The following PLEK variants were observed in gnomAD, a reference collection of about 807,000 sequenced individuals.
PLEK encodes platelet 47 kDa protein.
PLEK carries 25 observed loss-of-function variants against 43.9 expected under a neutral mutation model. The ratio of observed to expected loss-of-function variants is 0.57; its 90% CI spans 0.41 to 0.79. The LOEUF (loss-of-function observed/expected upper bound fraction) is 0.79, where lower values mean the gene tolerates loss of function less well. PLEK is among the 30% of genes least tolerant of loss of function. PLEK has a pLI of 0.00. For missense variants in PLEK, 396 were observed against 413.3 expected (o/e 0.96, Z 0.36); for synonymous variants, 152 against 144.4 (o/e 1.05, Z -0.38).
intron 4 of PLEK, 66 bp from the exon 5 acceptor site, chr2:68,386,436 G>A: frequency 7.7e-7 from 1 of 1,292,998 alleles, no homozygotes; most frequent in Non-Finnish European, 1.1e-6. Context: ...GTCAGTTCAG[G>A]GGTGATTGTC....
Position 68,369,451 on chromosome 2 carries a change from G to A in PLEK, c.42+4058G>A, listed in dbSNP as rs188235331. The stretch of plus-strand genomic sequence containing the variant: ...ACCCAGGGGAACATTATGCCAGAGC[G>A]ACTCCACAGTGTTGCCTACAAAACC... On this transcript the variant is annotated intron_variant, in intron 1 of 8. Coordinates refer to ENST00000234313, the MANE Select transcript of PLEK (RefSeq NM_002664.3). 6.6e-5 allele frequency among the ~76,000 whole-genome samples: 10 copies of A among 150,800 alleles called. No individual in the cohort carries two copies. The East Asian group carries it at 9.7e-4, about 15-fold the overall frequency.
Position 68,380,393 on chromosome 2 carries a change from TAAG to T in PLEK, c.114_116del (p.Lys39del). 1.2e-6 allele frequency: 2 copies of T among 1,613,540 alleles called. No individual in the cohort carries two copies. Among genetic ancestry groups the T allele is most frequent in the South Asian group, 1.1e-5 (1 of 91,074 alleles). ...TGTTAGAAGATGGAATTGAATTCTATAAGAAGAAAAGTGACAACAGCCCCAAAG... is the reference window on the plus strand; with the variant it reads ...TGTTAGAAGATGGAATTGAATTCTATAAGAAAAGTGACAACAGCCCCAAAG... On this transcript the variant is annotated inframe_deletion, in exon 2 of 9. Coordinates refer to ENST00000234313, the MANE Select transcript of PLEK (RefSeq NM_002664.3).
intron 4 of PLEK, 47 bp from the exon 5 acceptor site, chr2:68,386,455 G>A (rs772840081): frequency 1.3e-6 from 2 of 1,503,092 alleles, no homozygotes; most frequent in Middle Eastern, 2.2e-4. Context: ...TCAGGGGCTT[G>A]TTCTTCGGTA....
chr2:68,371,242 T>G (rs914771696), intron 1 of PLEK, among the ~76,000 whole-genome samples: 1 of 152,322 alleles, frequency 6.6e-6, no homozygotes, highest in Middle Eastern at 3.4e-3. Context: ...TTTTCTCCCT[T>G]AAGTTATGCA....
chr2:68,381,660 G>T (rs765775463), intron 3 of PLEK, among the ~76,000 whole-genome samples: 3 of 152,204 alleles, frequency 2.0e-5, no homozygotes, highest in Non-Finnish European at 2.9e-5. Flanking sequence ...GGAGGGTGGG[G>T]TGGGGAGAAG....
intron 3 of PLEK, 40 bp from the exon 4 acceptor site, chr2:68,382,502 T>TG (rs763811549): frequency 1.2e-5 from 15 of 1,216,000 alleles, no homozygotes; most frequent in Admixed American, 2.2e-5. Flanking sequence ...CTGGGTTTTT[T>TG]TTTGTTTGTT....
chr2:68,394,276 G>T, intron 8 of PLEK, 100 bp downstream of exon 8: 2 of 802,864 alleles, frequency 2.5e-6, no homozygotes, highest in Non-Finnish European at 4.5e-6. Flanking sequence ...AATTAATCAG[G>T]ATAAGCAGGA....
At chr2:68,388,727 A>T (rs1673799118) in intron 6 of PLEK, among the ~76,000 whole-genome samples, 1 of 127,468 alleles carries the variant, frequency 7.8e-6, no homozygotes, top group African/African-American at 3.1e-5. Flanking sequence ...TTTTATCAAT[A>T]TCATAGGAAA....
At chr2:68,372,784 G>A in intron 1 of PLEK, among the ~76,000 whole-genome samples, 1 of 152,112 alleles carries the variant, frequency 6.6e-6, no homozygotes, top group South Asian at 2.1e-4. Context: ...GAAATAGCTA[G>A]CTAAGTGGTC....
chr2:68,395,976 G>A lies in PLEK; in HGVS notation c.*160G>A, dbSNP rs979512445. 1 of 651,034 alleles carries A rather than the reference G, an allele frequency of 1.5e-6. No individual in the cohort carries two copies. Among genetic ancestry groups the A allele is most frequent in the Non-Finnish European group, 2.8e-6 (1 of 362,830 alleles). 40.3% of individuals were successfully genotyped at this position (651,034 alleles called of 1,614,324 possible). A position where few individuals can be genotyped will look rare whatever the true frequency, so the allele number is the denominator to read the frequency against. On this transcript the variant is annotated 3_prime_UTR_variant, in exon 9 of 9. Transcript: ENST00000234313. ...ATGTAACTCACCATGTGGTGTGCAA[G>A]GTTCCCCTGCATTGTATTGCTCACT...
rs767414036 is a variant in PLEK, at chr2:68,393,231, T to A, written c.832T>A (p.Tyr278Asn). Residue 278 changes from tyrosine (Y) to asparagine (N), a missense_variant, in exon 7 of 9, where the codon TAT (tyrosine) becomes AAT (asparagine). By Grantham distance (143) the Tyr-to-Asn change is moderately radical. Transcript: ENST00000234313. ...AGAAGACCCTGCCTACCTGCACTAC[T>A]ATGACCCTGCTGGGGTAAGGTCCTG... is the stretch of plus-strand genomic sequence containing the variant. Reference protein sequence around the residue: ...LREDPAYLHYYDPAGAEDPLG... With the variant: ...LREDPAYLHYNDPAGAEDPLG... The A allele has an allele frequency of 2.5e-6, 4 of 1,607,792 alleles. No homozygotes were observed. The South Asian group carries it at 4.4e-5, about 18-fold the overall frequency.
chr2:68,393,099 T>C, intron 6 of PLEK, 63 bp from the exon 7 acceptor site: 1 of 947,420 alleles, frequency 1.1e-6, no homozygotes, highest in African/African-American at 1.6e-5. Context: ...CTGTAGGTAT[T>C]GTTTGTACAG....
intron 1 of PLEK, among the ~76,000 whole-genome samples, chr2:68,374,759 T>C (rs1374905064): frequency 6.6e-6 from 1 of 152,230 alleles, no homozygotes; most frequent in Non-Finnish European, 1.5e-5. Context: ...AATCATACTC[T>C]AAGCACATGT....
rs976832250 is a variant in PLEK at position 68,391,104 on chromosome 2, A to G, written c.763-2058A>G. Among the ~76,000 whole-genome samples the G allele has an allele frequency of 3.9e-5, 6 of 152,370 alleles. No individual in the cohort carries two copies. The South Asian group carries it at 1.2e-3, about 32-fold the overall frequency. The stretch of plus-strand genomic sequence containing the variant: ...TATAAGTAGATGGCTTTGACAGTTC[A>G]GTAACAATTCTTGGAAACCTGAGGC... On this transcript the variant is annotated intron_variant, in intron 6 of 8. Coordinates refer to ENST00000234313, the MANE Select transcript of PLEK (RefSeq NM_002664.3).
intron 1 of PLEK, among the ~76,000 whole-genome samples, chr2:68,369,957 A>G (rs1010857151): frequency 4.8e-5 from 7 of 146,918 alleles, no homozygotes; most frequent in African/African-American, 1.7e-4. Context: ...CTTTGCCTTC[A>G]GTGAGTTTGT....
chr2:68,387,900 A>G (rs1261079217), intron 5 of PLEK: 1 of 153,118 alleles, frequency 6.5e-6, no homozygotes, highest in East Asian at 1.9e-4. Flanking sequence ...TTTGCTGAGC[A>G]AGTCCCACTT....
At position 68,380,844 on chromosome 2, in the gene PLEK, A is replaced by T. The variant is rs769844334; in HGVS notation, c.320A>T (p.Gln107Leu). The T allele has an allele frequency of 5.0e-6, 8 of 1,613,956 alleles. No individual in the cohort carries two copies. In the Admixed American group the frequency reaches 1.3e-4, roughly 27 times the overall value. ...GCCATTAAATGCATTGAAGGAGGCC[A>T]GAAATTTGCCAGGAAATCTACCAGG... ...KKAIKCIEGG[Q>L]KFARKSTRRS... The change falls in exon 3 of 9, where the codon CAG becomes CTG. Residue 107 changes from glutamine (Q) to leucine (L), a missense_variant. Gln to Leu is a moderately radical substitution (Grantham distance 113). Transcript: ENST00000234313.
intron 1 of PLEK, among the ~76,000 whole-genome samples, chr2:68,367,996 T>C (rs1017646285): frequency 6.6e-6 from 1 of 152,234 alleles, no homozygotes; most frequent in Non-Finnish European, 1.5e-5. Context: ...AATATAGCAT[T>C]AGAAAATGCT....
chr2:68,391,290 T>C (rs1254193550), intron 6 of PLEK, among the ~76,000 whole-genome samples: 2 of 152,232 alleles, frequency 1.3e-5, no homozygotes, highest in African/African-American at 4.8e-5. Flanking sequence ...TCCTGTTACC[T>C]TCCTCTTCCA....
Sources: allele counts gnomAD v4.1 joint callset (sites outside exome capture counted in the v4.1 genomes callset), GRCh38; gene constraint gnomAD v4.1.1; transcripts MANE v1.5; gene names NCBI Gene and HGNC (gene_info 2026-07-23, HGNC 2026-07-21).